The following ELAPOR2 variants were observed in gnomAD, a reference collection of about 807,000 sequenced individuals.
ELAPOR2 encodes endosome/lysosome-associated apoptosis and autophagy regulator family member 2.
In ELAPOR2, 89 loss-of-function variants were observed where a neutral mutation model predicts 120.7. The ratio of observed to expected loss-of-function variants is 0.74; its 90% CI spans 0.62 to 0.88. The LOEUF (loss-of-function observed/expected upper bound fraction) is 0.88, where lower values mean the gene tolerates loss of function less well. Ranked by LOEUF, ELAPOR2 falls within the 40% of genes least tolerant of loss-of-function variation. The pLI is 0.00. For missense variants in ELAPOR2, 1,134 were observed against 1,251.6 expected (o/e 0.91, Z 1.42); for synonymous variants, 444 against 444.9 (o/e 1.00, Z 0.03).
At chr7:86,975,198 GA>G (rs1277780283) in intron 1 of ELAPOR2, among the ~76,000 whole-genome samples, 5 of 151,928 alleles carry the variant, frequency 3.3e-5, no homozygotes, top group South Asian at 2.1e-4. Context: ...ATCTCAGACA[GA>G]AAAAAAATTA....
intron 1 of ELAPOR2, among the ~76,000 whole-genome samples, chr7:87,053,205 G>A (rs1795165726): frequency 6.6e-6 from 1 of 152,130 alleles, no homozygotes; most frequent in Admixed American, 6.5e-5. Flanking sequence ...AACTGAAAAA[G>A]CAGAAACTAT....
In ELAPOR2 at chr7:86,892,218, T is replaced by G. The variant is rs529352879; in HGVS notation, c.2865-329A>C. On this transcript the variant is annotated intron_variant, in intron 20 of 21. Coordinates refer to ENST00000450689, the MANE Select transcript of ELAPOR2 (RefSeq NM_001142749.3). The stretch of plus-strand genomic sequence containing the variant: ...TTAACATGAATATTTGGAAGCCAAT[T>G]CACTAAGGTTTTCCCAGTATTTAGT... 1.1e-3 allele frequency among the ~76,000 whole-genome samples: 162 copies of G among 152,178 alleles called. 1 individual carries two copies. Among genetic ancestry groups the G allele is most frequent in the Non-Finnish European group, 2.0e-3 (136 of 67,970 alleles).
At chr7:86,981,131 C>T (rs544093149) in intron 1 of ELAPOR2, among the ~76,000 whole-genome samples, 4 of 152,314 alleles carry the variant, frequency 2.6e-5, no homozygotes, top group African/African-American at 9.6e-5. Flanking sequence ...GTCAGATCTA[C>T]AAGTGCTAAC....
intron 1 of ELAPOR2, among the ~76,000 whole-genome samples, chr7:87,041,679 G>T (rs557116951): frequency 6.6e-6 from 1 of 151,798 alleles, no homozygotes; most frequent in African/African-American, 2.4e-5. Context: ...AAAGACCATC[G>T]AGACTAGGAA....
rs764814765 is a variant in ELAPOR2, at chr7:86,938,876, G to A, written c.932C>T (p.Pro311Leu). The A allele has an allele frequency of 1.2e-6, 2 of 1,613,180 alleles. No homozygotes were observed. Among genetic ancestry groups the A allele is most frequent in the Non-Finnish European group, 1.7e-6 (2 of 1,179,418 alleles). Residue 311 changes from proline (P) to leucine (L), a missense_variant, in exon 7 of 22, where the codon CCC (proline) becomes CTC (leucine). By Grantham distance (98) the Pro-to-Leu change is moderately conservative (BLOSUM62 -3). This residue lies in a region of ELAPOR2 where 831 missense variants were observed against 867.6 expected (regional missense o/e 0.96). Coordinates refer to ENST00000450689, the MANE Select transcript of ELAPOR2 (RefSeq NM_001142749.3). ...KPGSFNCQVC[P>L]RNTYSEKGAK... Reference sequence around the variant, plus strand: ...TCCTTTCTCAGAATAGGTGTTTCTGGGACACACCTGGCAGTTGAATGAACC... The same window carrying A: ...TCCTTTCTCAGAATAGGTGTTTCTGAGACACACCTGGCAGTTGAATGAACC...
chr7:87,006,911 G>T (rs1050776444), intron 1 of ELAPOR2, among the ~76,000 whole-genome samples: 2 of 152,134 alleles, frequency 1.3e-5, no homozygotes, highest in African/African-American at 4.8e-5. Context: ...CAATGTGGAT[G>T]AATCTCAAAA....
chr7:87,049,707 C>CAG (rs2129017452), intron 1 of ELAPOR2, among the ~76,000 whole-genome samples: 1 of 152,324 alleles, frequency 6.6e-6, no homozygotes, highest in African/African-American at 2.4e-5. Context: ...AGATCCAGTA[C>CAG]AGAGGCCTTG....
At chr7:86,934,235 C>A (rs1375337913) in intron 8 of ELAPOR2, among the ~76,000 whole-genome samples, 1 of 151,928 alleles carries the variant, frequency 6.6e-6, no homozygotes, top group Non-Finnish European at 1.5e-5. Flanking sequence ...ATAACCTAAG[C>A]ATGGGCCAAG....
At chr7:87,005,681 C>T (rs1311006232) in intron 1 of ELAPOR2, among the ~76,000 whole-genome samples, 4 of 152,118 alleles carry the variant, frequency 2.6e-5, no homozygotes, top group African/African-American at 4.8e-5. Context: ...AAGAAAAGAT[C>T]TTCTCAACAA....
At chr7:86,979,598 A>G (rs951629713) in intron 1 of ELAPOR2, among the ~76,000 whole-genome samples, 3 of 152,238 alleles carry the variant, frequency 2.0e-5, no homozygotes, top group Non-Finnish European at 4.4e-5. Flanking sequence ...CTAGAGCATG[A>G]GCTCACAAAA....
chr7:87,033,151 A>G (rs547523622), intron 1 of ELAPOR2, among the ~76,000 whole-genome samples: 1 of 152,298 alleles, frequency 6.6e-6, no homozygotes, highest in East Asian at 1.9e-4. Flanking sequence ...TTCAGTGGAA[A>G]GTGAGCTCTC....
intron 1 of ELAPOR2, among the ~76,000 whole-genome samples, chr7:86,970,292 A>T (rs184223084): frequency 1.3e-5 from 2 of 152,336 alleles, no homozygotes; most frequent in Admixed American, 6.5e-5. Flanking sequence ...AAATGCTGGT[A>T]CCTAGAACAC....
intron 4 of ELAPOR2, among the ~76,000 whole-genome samples, chr7:86,942,431 C>T (rs1790837894): frequency 6.6e-6 from 1 of 152,004 alleles, no homozygotes; most frequent in Non-Finnish European, 1.5e-5. Flanking sequence ...AAAACAACTA[C>T]CCAACTTACC....
At chr7:86,955,967 A>C (rs1189656594) in intron 2 of ELAPOR2, among the ~76,000 whole-genome samples, 1 of 151,776 alleles carries the variant, frequency 6.6e-6, no homozygotes, top group Non-Finnish European at 1.5e-5. Flanking sequence ...ACAAAAAAAA[A>C]AGGAAAAGAA....
intron 8 of ELAPOR2, among the ~76,000 whole-genome samples, chr7:86,934,396 A>T (rs147659736): frequency 3.3e-5 from 5 of 152,152 alleles, no homozygotes; most frequent in African/African-American, 1.2e-4. Context: ...TCTTCACCCA[A>T]TTCAACCTGG....
Position 86,912,854 on chromosome 7 carries a change from G to T in ELAPOR2, c.1995+87C>A. The T allele has an allele frequency of 4.8e-6, 7 of 1,454,760 alleles. No individual in the cohort carries two copies. In the South Asian group the frequency reaches 7.7e-5, roughly 16 times the overall value. The allele number at this position is 1,454,760 out of a possible 1,614,324, so 90.1% of individuals were successfully genotyped here. A position where few individuals can be genotyped will look rare whatever the true frequency, so the allele number is the denominator to read the frequency against. The stretch of plus-strand genomic sequence containing the variant: ...TTTCAGAATAAATAGCAACCTCATA[G>T]CTCCCAGAGAAACATTAAGGAGAAC... On this transcript the variant is annotated intron_variant, in intron 14 of 21. Transcript: ENST00000450689.
At chr7:87,007,907 C>A (rs2116653208) in intron 1 of ELAPOR2, among the ~76,000 whole-genome samples, 1 of 152,166 alleles carries the variant, frequency 6.6e-6, no homozygotes, top group East Asian at 1.9e-4. Flanking sequence ...GCTTTCTTTT[C>A]AATAGAAGGT....
intron 19 of ELAPOR2, among the ~76,000 whole-genome samples, chr7:86,894,355 T>C (rs1788336656): frequency 6.6e-6 from 1 of 152,094 alleles, no homozygotes; most frequent in Admixed American, 6.6e-5. Context: ...ATCTGCTGCA[T>C]CTCTAAGTGT....
At chr7:86,954,327 AG>A (rs771220682) in intron 2 of ELAPOR2, among the ~76,000 whole-genome samples, 2 of 152,194 alleles carry the variant, frequency 1.3e-5, no homozygotes, top group South Asian at 4.1e-4. Flanking sequence ...CTAACAATAA[AG>A]AACATCTATT....
Sources: allele counts gnomAD v4.1 joint callset (sites outside exome capture counted in the v4.1 genomes callset), GRCh38; gene constraint gnomAD v4.1.1; regional missense constraint gnomAD v4.1.1; transcripts MANE v1.5; gene names NCBI Gene and HGNC (gene_info 2026-07-23, HGNC 2026-07-21).